The following PCDHGA3 variants were observed in gnomAD, a reference collection of about 807,000 sequenced individuals.
The protein encoded by PCDHGA3 is protocadherin gamma-A3.
PCDHGA3 carries 40 observed loss-of-function variants against 58.5 expected under a neutral mutation model. That is an observed-to-expected ratio of 0.68 (90% confidence interval 0.53 to 0.89). PCDHGA3 has a LOEUF of 0.89. PCDHGA3 is among the 40% of genes least tolerant of loss of function. PCDHGA3 has a pLI of 0.00. For missense variants in PCDHGA3, 1,223 were observed against 1,195.9 expected, an observed-to-expected ratio of 1.02 and a Z score of -0.33; for synonymous variants, 530 against 525.7, an observed-to-expected ratio of 1.01 and a Z score of -0.11.
intron 1 of PCDHGA3, chr5:141,416,335 C>A (rs573998059): frequency 6.6e-6 from 1 of 152,256 alleles, no homozygotes; most frequent in Non-Finnish European, 1.5e-5. Flanking sequence ...ACTTTCATTG[C>A]TCAATAGGGA....
At chr5:141,481,811 G>A (rs1050821120) in intron 1 of PCDHGA3, among the ~76,000 whole-genome samples, 1 of 151,892 alleles carries the variant, frequency 6.6e-6, no homozygotes. Context: ...AATTCACCAG[G>A]CGTGGTGGCT....
intron 1 of PCDHGA3, chr5:141,416,921 G>C (rs985660835): frequency 6.6e-6 from 1 of 151,994 alleles, no homozygotes; most frequent in Non-Finnish European, 1.5e-5. Flanking sequence ...TAGGGTCATA[G>C]TTATTAACTA....
At chr5:141,412,814 C>CAT (rs1339609844) in intron 1 of PCDHGA3, among the ~76,000 whole-genome samples, 1 of 152,180 alleles carries the variant, frequency 6.6e-6, no homozygotes, top group Non-Finnish European at 1.5e-5. Context: ...AAGAAACCTA[C>CAT]ATATAGTAAA....
Position 141,487,272 on chromosome 5 carries a change from T to C in PCDHGA3, c.2425-7535T>C. 6.2e-7 allele frequency: 1 copy of C among 1,614,148 alleles called. No homozygotes were observed. The highest frequency in any genetic ancestry group is 8.5e-7 in the Non-Finnish European group (1 of 1,180,036). Reference sequence around the variant, plus strand: ...TACTTGGCTGTGTCCCTAGTGGCAATTTGCTTTGTCTCCTTTGGCTCATTC... The same window carrying C: ...TACTTGGCTGTGTCCCTAGTGGCAACTTGCTTTGTCTCCTTTGGCTCATTC... On this transcript the variant is annotated intron_variant, in intron 1 of 3. Coordinates refer to ENST00000253812, the MANE Select transcript of PCDHGA3 (RefSeq NM_018916.4). This position sits in a 1 kb window ranked among gnomAD's most constrained non-coding sequence, Gnocchi z 5.0.
intron 1 of PCDHGA3, chr5:141,417,070 G>A (rs1324168481): frequency 6.6e-6 from 1 of 151,864 alleles, no homozygotes; most frequent in Non-Finnish European, 1.5e-5. Flanking sequence ...TGTAGCTATT[G>A]TGAGAAAATA....
intron 1 of PCDHGA3, chr5:141,374,413 C>A (rs773364230): frequency 3.1e-6 from 5 of 1,613,972 alleles, no homozygotes; most frequent in Non-Finnish European, 3.4e-6. Flanking sequence ...ACATCCTTGT[C>A]GAGGATAAAC....
chr5:141,366,048 C>T (rs777611384), intron 1 of PCDHGA3: 9 of 1,614,262 alleles, frequency 5.6e-6, no homozygotes, highest in South Asian at 5.5e-5. Flanking sequence ...GACGGTTCCA[C>T]GGGCGTGGAG....
chr5:141,468,348 A>C (rs962230735), intron 1 of PCDHGA3: 2 of 150,318 alleles, frequency 1.3e-5, no homozygotes, highest in African/African-American at 4.9e-5. Context: ...AAAAAAAAAA[A>C]AGAAAGAAAA....
At chr5:141,463,335 A>G (rs565781645) in intron 1 of PCDHGA3, among the ~76,000 whole-genome samples, 3 of 149,628 alleles carry the variant, frequency 2.0e-5, no homozygotes, top group South Asian at 2.1e-4. Context: ...CAGCAAAACC[A>G]TGGTGTTATT....
rs549955923 is a variant in PCDHGA3, at chr5:141,409,897, A to G, written c.2424+63440A>G. 8.7e-6 allele frequency: 14 copies of G among 1,613,204 alleles called. No individual in the cohort carries two copies. The South Asian group carries it at 1.3e-4, about 15-fold the overall frequency. On this transcript the variant is annotated intron_variant, in intron 1 of 3. Coordinates refer to ENST00000253812, the MANE Select transcript of PCDHGA3 (RefSeq NM_018916.4). ...ACAACGCACCGCGGGTGCTGTACCC[A>G]GCTCTGGGTCCTGACGGCTCCGCGT...
chr5:141,478,617 G>A (rs1010415342), intron 1 of PCDHGA3: 1 of 1,556,398 alleles, frequency 6.4e-7, no homozygotes, highest in Non-Finnish European at 8.7e-7. Context: ...AGGAAGGAAT[G>A]GAGCTGTTTT....
intron 1 of PCDHGA3, chr5:141,395,340 G>T (rs529007241): frequency 2.1e-6 from 3 of 1,419,360 alleles, no homozygotes; most frequent in Non-Finnish European, 1.9e-6. Flanking sequence ...TAATTTTTAA[G>T]GTGTATCACA....
intron 1 of PCDHGA3, chr5:141,361,534 C>T (rs1251295002): frequency 2.5e-6 from 4 of 1,614,058 alleles, no homozygotes; most frequent in Non-Finnish European, 2.5e-6. Flanking sequence ...GAACAATCCT[C>T]CTGGCGCCTC....
chr5:141,435,973 G>T (rs1420195337), intron 1 of PCDHGA3, among the ~76,000 whole-genome samples: 1 of 152,028 alleles, frequency 6.6e-6, no homozygotes, highest in East Asian at 1.9e-4. Context: ...AGAGTGTGTG[G>T]TTCTACTTGT....
At chr5:141,364,846 C>A in intron 1 of PCDHGA3, 5 of 1,613,994 alleles carry the variant, frequency 3.1e-6, no homozygotes, top group Non-Finnish European at 4.2e-6. Flanking sequence ...GTTACCAGCT[C>A]AGCTCCAATC....
At chr5:141,465,150 G>A (rs192648619) in intron 1 of PCDHGA3, among the ~76,000 whole-genome samples, 474 of 151,492 alleles carry the variant, frequency 3.1e-3, no homozygotes, top group Middle Eastern at 0.024. Context: ...GATATATGAA[G>A]GGACTCTAAA....
At chr5:141,387,441 T>G (rs2150335837) in intron 1 of PCDHGA3, among the ~76,000 whole-genome samples, 1 of 152,370 alleles carries the variant, frequency 6.6e-6, no homozygotes, top group South Asian at 2.1e-4. Flanking sequence ...ATGTACTTAA[T>G]CTACATGATT....
At chr5:141,410,659 C>T (rs1481225976) in intron 1 of PCDHGA3, 5 of 1,571,890 alleles carry the variant, frequency 3.2e-6, no homozygotes, top group Non-Finnish European at 4.3e-6. Flanking sequence ...ATCTAATAGT[C>T]TACTAGTTTC....
intron 1 of PCDHGA3, chr5:141,433,208 C>CT (rs745329085): frequency 0.022 from 27,155 of 1,216,152 alleles, no homozygotes; most frequent in Non-Finnish European, 0.026. Flanking sequence ...AATCTTCTTT[C>CT]TTTTTTTTTT....
Sources: gnomAD v4.1 joint callset for allele counts (sites outside exome capture counted in the v4.1 genomes callset) on GRCh38, gnomAD v4.1.1 for gene constraint, Gnocchi (gnomAD v3.1) non-coding constraint, MANE v1.5 for transcripts, NCBI Gene and HGNC (gene_info 2026-07-23, HGNC 2026-07-21) for gene names.